Variants in ZFAND3 observed in about 807,000 individuals in gnomAD.
ZFAND3 encodes zinc finger AN1-type containing 3.
A neutral mutation model predicts 29.6 loss-of-function variants in ZFAND3; 10 were observed. That is an observed-to-expected ratio of 0.34 (90% CI 0.21 to 0.57). The LOEUF is 0.57. Ranked by LOEUF, ZFAND3 falls within the 20% of genes least tolerant of loss-of-function variation. The probability of loss-of-function intolerance (pLI) is 0.86; values close to 1 mark genes in which losing one functional copy is unlikely to be tolerated. For missense variants in ZFAND3, 230 were observed against 304.5 expected (o/e 0.76, Z 1.82); for synonymous variants, 128 against 112.6 (o/e 1.14, Z -0.87).
At chr6:37,841,674 G>A (rs1379103095) in intron 1 of ZFAND3, among the ~76,000 whole-genome samples, 2 of 152,084 alleles carry the variant, frequency 1.3e-5, no homozygotes, top group African/African-American at 4.8e-5. Flanking sequence ...TATTAGAGAC[G>A]GGGTTTCACT....
chr6:37,966,995 G>A (rs1261738569), intron 2 of ZFAND3, among the ~76,000 whole-genome samples: 1 of 152,110 alleles, frequency 6.6e-6, no homozygotes, highest in Admixed American at 6.5e-5. Context: ...TGTAAATTAT[G>A]TTGTTCTCAT....
rs530954770 is a variant in ZFAND3 at position 38,125,524 on chromosome 6, G to A, written c.529+8785G>A. Reference sequence around the variant, plus strand: ...GTGCAGGGCACATCCGCTGCAGCCTGTGTCACATCCCCACCCATCCCATAC... The same window carrying A: ...GTGCAGGGCACATCCGCTGCAGCCTATGTCACATCCCCACCCATCCCATAC... On this transcript the variant is annotated intron_variant, in intron 5 of 5. Coordinates refer to ENST00000287218, the MANE Select transcript of ZFAND3 (RefSeq NM_021943.3). 8.5e-5 allele frequency among the ~76,000 whole-genome samples: 13 copies of A among 152,262 alleles called. No individual in the cohort carries two copies. The East Asian group carries it at 1.5e-3, about 18-fold the overall frequency.
intron 4 of ZFAND3, among the ~76,000 whole-genome samples, chr6:38,097,691 A>G (rs764212645): frequency 6.6e-6 from 1 of 152,232 alleles, no homozygotes; most frequent in Non-Finnish European, 1.5e-5. Flanking sequence ...CACCTCACCT[A>G]GCATGATGCC....
intron 3 of ZFAND3, among the ~76,000 whole-genome samples, chr6:38,074,552 T>C (rs1032182500): frequency 5.9e-5 from 9 of 152,072 alleles, no homozygotes; most frequent in African/African-American, 2.2e-4. Flanking sequence ...TTAGCAGAGG[T>C]TGGTTCATGA....
intron 5 of ZFAND3, among the ~76,000 whole-genome samples, chr6:38,119,958 A>G (rs902150388): frequency 1.3e-5 from 2 of 152,166 alleles, no homozygotes; most frequent in African/African-American, 4.8e-5. Flanking sequence ...CTGTGACTAG[A>G]TAACCTTTAA....
chr6:37,937,462 C>T (rs576974447), intron 2 of ZFAND3, among the ~76,000 whole-genome samples: 1 of 152,042 alleles, frequency 6.6e-6, no homozygotes, highest in South Asian at 2.1e-4. Context: ...CGAGACCAAC[C>T]TGGCCAACAT....
At chr6:37,831,140 A>G (rs1161613930) in intron 1 of ZFAND3, among the ~76,000 whole-genome samples, 1 of 152,162 alleles carries the variant, frequency 6.6e-6, no homozygotes, top group Non-Finnish European at 1.5e-5. Flanking sequence ...AAAAAATAGT[A>G]TCTTAGAGTT....
At chr6:38,021,723 A>G (rs1314162562) in intron 2 of ZFAND3, among the ~76,000 whole-genome samples, 1 of 152,164 alleles carries the variant, frequency 6.6e-6, no homozygotes, top group East Asian at 1.9e-4. Context: ...CATTGAAGGT[A>G]AAATAGAGCA....
intron 2 of ZFAND3, among the ~76,000 whole-genome samples, chr6:37,944,307 A>C (rs149740941): frequency 0.012 from 1,825 of 152,294 alleles, 16 homozygotes; most frequent in Middle Eastern, 0.031. Flanking sequence ...AATTTCCCCA[A>C]ACTTGATGAA....
chr6:38,078,903 T>C (rs1309746697), intron 3 of ZFAND3, among the ~76,000 whole-genome samples: 1 of 152,214 alleles, frequency 6.6e-6, no homozygotes, highest in Admixed American at 6.5e-5. Context: ...CTCTCCGGCA[T>C]TAGAAAGTCC....
At chr6:37,825,050 A>C (rs991385945) in intron 1 of ZFAND3, among the ~76,000 whole-genome samples, 1 of 152,226 alleles carries the variant, frequency 6.6e-6, no homozygotes, top group Non-Finnish European at 1.5e-5. Context: ...CTCTGAGCCC[A>C]GGCTTAGTGA....
intron 2 of ZFAND3, among the ~76,000 whole-genome samples, chr6:38,025,595 G>A (rs1336609764): frequency 6.6e-6 from 1 of 152,070 alleles, no homozygotes; most frequent in Admixed American, 6.5e-5. Flanking sequence ...TAAAACATTA[G>A]CCTTTAAACA....
intron 2 of ZFAND3, among the ~76,000 whole-genome samples, chr6:37,949,604 A>G (rs1761962578): frequency 6.6e-6 from 1 of 152,184 alleles, no homozygotes; most frequent in African/African-American, 2.4e-5. Context: ...ACACACATCA[A>G]GTTGAGATTC....
intron 1 of ZFAND3, among the ~76,000 whole-genome samples, chr6:37,823,097 G>A (rs557105184): frequency 2.0e-5 from 3 of 152,256 alleles, no homozygotes; most frequent in Non-Finnish European, 2.9e-5. Context: ...CTTGAGAATG[G>A]CTTGGGTGTG....
intron 1 of ZFAND3, among the ~76,000 whole-genome samples, chr6:37,921,896 A>C (rs1179382400): frequency 6.6e-6 from 1 of 150,422 alleles, no homozygotes; most frequent in Non-Finnish European, 1.5e-5. Context: ...AAAAAAAAAA[A>C]AACAAACCCA....
chr6:37,923,603 A>AT (rs1205599643), intron 1 of ZFAND3, among the ~76,000 whole-genome samples: 15 of 152,318 alleles, frequency 9.8e-5, no homozygotes, highest in African/African-American at 3.6e-4. Context: ...GATGTTTATC[A>AT]TTTTTTATCA....
At chr6:38,072,429 TC>T (rs1561988901) in intron 3 of ZFAND3, among the ~76,000 whole-genome samples, 1 of 152,052 alleles carries the variant, frequency 6.6e-6, no homozygotes, top group Admixed American at 6.6e-5. Context: ...ATCATCACTG[TC>T]CCCCCTGCCC....
chr6:38,115,911 T>A (rs1765408085), intron 4 of ZFAND3, among the ~76,000 whole-genome samples: 1 of 152,188 alleles, frequency 6.6e-6, no homozygotes, highest in Non-Finnish European at 1.5e-5. Flanking sequence ...CTGCTGCTGC[T>A]GCACCACCCC....
At chr6:38,070,943 C>G (rs1371925896) in intron 3 of ZFAND3, among the ~76,000 whole-genome samples, 2 of 151,788 alleles carry the variant, frequency 1.3e-5, no homozygotes, top group Non-Finnish European at 2.9e-5. Flanking sequence ...TAGTGAGATT[C>G]AGCATTGTTT....
Sources: allele counts gnomAD v4.1 joint callset (sites outside exome capture counted in the v4.1 genomes callset), GRCh38; gene constraint gnomAD v4.1.1; transcripts MANE v1.5; gene names NCBI Gene and HGNC (gene_info 2026-07-23, HGNC 2026-07-21).